FARP1: variants seen among roughly 807,000 people sequenced by gnomAD.
FARP1 encodes the protein FERM, ARHGEF and pleckstrin domain-containing protein 1.
A neutral mutation model predicts 128.8 loss-of-function variants in FARP1; 52 were observed. That is an observed-to-expected ratio of 0.40 (90% CI 0.32 to 0.51). The LOEUF is 0.51. FARP1 is among the 20% of genes least tolerant of loss of function. FARP1 has a pLI of 0.45. For missense variants in FARP1, 1,333 were observed against 1,367.9 expected (o/e 0.97, Z 0.40); for synonymous variants, 580 against 551.8 (o/e 1.05, Z -0.72).
chr13:98,177,318 C>T, intron 1 of FARP1: 3 of 1,156,498 alleles, frequency 2.6e-6, no homozygotes, highest in Non-Finnish European at 3.6e-6. Flanking sequence ...GGCGTGGGCC[C>T]TCCCAGTTCT....
chr13:98,413,330 T>C (rs1329761392), intron 16 of FARP1, among the ~76,000 whole-genome samples: 2 of 152,186 alleles, frequency 1.3e-5, no homozygotes, highest in East Asian at 3.9e-4. Context: ...AGAGTCTTGG[T>C]ATTATGAATA....
intron 16 of FARP1, 105 bp from the exon 17 acceptor site, chr13:98,424,467 G>A (rs1891704090): frequency 1.3e-5 from 10 of 753,750 alleles, no homozygotes; most frequent in Admixed American, 3.9e-5. Context: ...GGAGATGTCC[G>A]GGGAGGGGTG....
At chr13:98,188,218 A>G (rs1879006216) in intron 1 of FARP1, among the ~76,000 whole-genome samples, 1 of 152,150 alleles carries the variant, frequency 6.6e-6, no homozygotes, top group African/African-American at 2.4e-5. Flanking sequence ...TGTCCTGAAC[A>G]GAACAGTTTC....
At chr13:98,255,691 C>G (rs1268575527) in intron 2 of FARP1, among the ~76,000 whole-genome samples, 2 of 152,194 alleles carry the variant, frequency 1.3e-5, no homozygotes, top group Non-Finnish European at 2.9e-5. Flanking sequence ...GTTCCCCTAC[C>G]TAGCAGATTT....
chr13:98,198,883 C>A (rs1394489252), intron 1 of FARP1, among the ~76,000 whole-genome samples: 1 of 142,224 alleles, frequency 7.0e-6, no homozygotes, highest in African/African-American at 2.6e-5. Context: ...ATCTCAATCT[C>A]AACCCTCCCT....
At chr13:98,177,268 G>T in intron 1 of FARP1, 1 of 1,506,922 alleles carries the variant, frequency 6.6e-7, no homozygotes. Context: ...CGGCCGTGGC[G>T]TGCGTCACCC....
chr13:98,271,315 G>A lies in FARP1; in HGVS notation c.171+57902G>A, dbSNP rs368792025. ...CGACTTTTTTCCAAGGACCCACTTG[G>A]CGTCATTTGCTAAATGCTCCTCTTA... On this transcript the variant is annotated intron_variant, in intron 2 of 26. Coordinates refer to ENST00000319562, the MANE Select transcript of FARP1 (RefSeq NM_005766.4). Among the ~76,000 whole-genome samples, 5 of 152,108 alleles carry A rather than the reference G, an allele frequency of 3.3e-5. No homozygotes were observed. The East Asian group carries it at 5.8e-4, about 18-fold the overall frequency.
chr13:98,373,720 T>C lies in FARP1; in HGVS notation c.399-4101T>C, dbSNP rs143046193. Among the ~76,000 whole-genome samples, 479 of 152,326 alleles carry C rather than the reference T, an allele frequency of 3.1e-3. 5 individuals carry two copies. Among genetic ancestry groups the C allele is most frequent in the African/African-American group, 0.011 (466 of 41,580 alleles). On this transcript the variant is annotated intron_variant, in intron 5 of 26. Coordinates refer to ENST00000319562, the MANE Select transcript of FARP1 (RefSeq NM_005766.4). ...TGGTTATACAATTGCTGCTGTGGTT[T>C]TTTAGTTCTTAATAATAAAATTTCC...
intron 1 of FARP1, among the ~76,000 whole-genome samples, chr13:98,154,668 CTA>C (rs1427512309): frequency 1.3e-5 from 2 of 151,552 alleles, no homozygotes; most frequent in Non-Finnish European, 2.9e-5. Context: ...TGTTAATTCT[CTA>C]TGTGAATATA....
Position 98,388,965 on chromosome 13 carries a change from C to T in FARP1, c.855+487C>T, listed in dbSNP as rs973548269. ...CCCACAACACGCCTAACACTGTGGC[C>T]CACGCCAGGACTGGGACGGGAAGGG... On this transcript the variant is annotated intron_variant, in intron 9 of 26. Coordinates refer to ENST00000319562, the MANE Select transcript of FARP1 (RefSeq NM_005766.4). Among the ~76,000 whole-genome samples the T allele has an allele frequency of 4.6e-5, 7 of 152,370 alleles. No homozygotes were observed. In the East Asian group the frequency reaches 7.7e-4, roughly 17 times the overall value.
At chr13:98,171,207 C>G (rs970631196) in intron 1 of FARP1, among the ~76,000 whole-genome samples, 2 of 152,232 alleles carry the variant, frequency 1.3e-5, no homozygotes, top group Admixed American at 6.5e-5. Flanking sequence ...CACACACCCT[C>G]TTCGTCATTG....
intron 1 of FARP1, among the ~76,000 whole-genome samples, chr13:98,202,489 AT>A (rs1448812798): frequency 6.6e-6 from 1 of 152,050 alleles, no homozygotes; most frequent in Non-Finnish European, 1.5e-5. Context: ...TTAACCTGGA[AT>A]TTTTCAGTTG....
At chr13:98,152,448 G>T (rs896173278) in intron 1 of FARP1, among the ~76,000 whole-genome samples, 1 of 152,172 alleles carries the variant, frequency 6.6e-6, no homozygotes, top group African/African-American at 2.4e-5. Context: ...TAGATGTGAT[G>T]CCTGGAATCA....
chr13:98,176,100 C>T lies in FARP1; in HGVS notation c.-24+32608C>T. 2 of 1,385,792 alleles carry T rather than the reference C, an allele frequency of 1.4e-6. No individual in the cohort carries two copies. The highest frequency in any genetic ancestry group is 2.0e-6 in the Non-Finnish European group (2 of 983,082). 85.8% of individuals were successfully genotyped at this position (1,385,792 alleles called of 1,614,324 possible). ...AGGCATGGGATTGCAGGAAGACTGT[C>T]ATCTCTCTCATCTTACTCAACAGGC... On this transcript the variant is annotated intron_variant, in intron 1 of 26. Transcript: ENST00000319562. This position sits in a 1 kb window ranked among gnomAD's most constrained non-coding sequence, Gnocchi z 6.2.
At chr13:98,190,103 T>C (rs780052782) in intron 1 of FARP1, among the ~76,000 whole-genome samples, 25 of 152,196 alleles carry the variant, frequency 1.6e-4, no homozygotes, top group Non-Finnish European at 3.5e-4. Flanking sequence ...AATGGCTTTA[T>C]ATTAACTTTT....
chr13:98,372,092 T>C (rs1325761963), intron 5 of FARP1, among the ~76,000 whole-genome samples: 1 of 145,326 alleles, frequency 6.9e-6, no homozygotes, highest in African/African-American at 2.6e-5. Flanking sequence ...TTTTTTTTTT[T>C]TTTTTTTTTT....
At chr13:98,280,324 C>T (rs368961185) in intron 2 of FARP1, among the ~76,000 whole-genome samples, 144 of 152,354 alleles carry the variant, frequency 9.5e-4, no homozygotes, top group African/African-American at 3.3e-3. Context: ...CGAGCCCCCA[C>T]GGGAAATGGC....
intron 1 of FARP1, among the ~76,000 whole-genome samples, chr13:98,185,160 C>T (rs116549055): frequency 2.1e-3 from 313 of 152,270 alleles, no homozygotes; most frequent in African/African-American, 7.2e-3. Flanking sequence ...TTTGAGTATT[C>T]ATTACTTCTG....
intron 18 of FARP1, chr13:98,433,267 ACCG>A (rs1892118884): frequency 6.6e-6 from 1 of 152,136 alleles, no homozygotes; most frequent in Admixed American, 6.5e-5. Flanking sequence ...TTCTAGAAAA[ACCG>A]TTGTTAATAT....
Sources: allele counts gnomAD v4.1 joint callset (sites outside exome capture counted in the v4.1 genomes callset), GRCh38; gene constraint gnomAD v4.1.1; non-coding constraint Gnocchi (gnomAD v3.1); transcripts MANE v1.5; gene names NCBI Gene and HGNC (gene_info 2026-07-23, HGNC 2026-07-21).